The following USP12 variants were observed in gnomAD, a reference collection of about 807,000 sequenced individuals.
USP12 encodes the protein ubiquitin carboxyl-terminal hydrolase 12.
A neutral mutation model predicts 45.5 loss-of-function variants in USP12; 19 were observed. The observed-to-expected ratio is 0.42, with a 90% CI of 0.29 to 0.61. USP12 has a LOEUF of 0.61. Among genes scored for constraint, USP12 ranks in the 20% least tolerant of loss-of-function variants. USP12 has a pLI of 0.22. For synonymous variants in USP12, 149 were observed against 148.8 expected (o/e 1.00, Z -0.01); for missense variants, 242 against 447.7 (o/e 0.54, Z 4.15).
intron 1 of USP12, among the ~76,000 whole-genome samples, chr13:27,161,038 T>C (rs756303094): frequency 2.0e-5 from 3 of 152,098 alleles, no homozygotes; most frequent in Admixed American, 6.5e-5. Context: ...TTCTAAACAT[T>C]ATATCCCGTT....
intron 1 of USP12, among the ~76,000 whole-genome samples, chr13:27,151,534 T>A (rs769344884): frequency 2.0e-5 from 3 of 151,896 alleles, no homozygotes; most frequent in Non-Finnish European, 4.4e-5. Context: ...GTAATCCCAG[T>A]GCTTTCGGAG....
chr13:27,155,243 G>A (rs1192138062), intron 1 of USP12, among the ~76,000 whole-genome samples: 9 of 151,594 alleles, frequency 5.9e-5, no homozygotes, highest in African/African-American at 1.2e-4. Context: ...CACCATGCCC[G>A]GCTAATTTTT....
intron 4 of USP12, among the ~76,000 whole-genome samples, chr13:27,092,830 C>T (rs932005160): frequency 6.6e-6 from 1 of 151,930 alleles, no homozygotes; most frequent in Non-Finnish European, 1.5e-5. Context: ...GATACAACAC[C>T]AAAAGTATAA....
intron 1 of USP12, among the ~76,000 whole-genome samples, chr13:27,160,338 A>G (rs920448378): frequency 6.6e-6 from 1 of 152,202 alleles, no homozygotes; most frequent in Non-Finnish European, 1.5e-5. Context: ...TGCCAAGTTA[A>G]GTGAAGGCCT....
intron 1 of USP12, among the ~76,000 whole-genome samples, chr13:27,130,548 T>C (rs975543685): frequency 5.1e-5 from 4 of 78,528 alleles, no homozygotes; most frequent in African/African-American, 2.0e-4. Flanking sequence ...ACAAAAAAAA[T>C]CACAAAACAT....
chr13:27,139,481 G>A (rs1007099283), intron 1 of USP12, among the ~76,000 whole-genome samples: 2 of 152,096 alleles, frequency 1.3e-5, no homozygotes, highest in Non-Finnish European at 2.9e-5. Flanking sequence ...CTGGGCATGG[G>A]GCTGTGCACC....
chr13:27,147,555 CAA>C (rs1052347637), intron 1 of USP12, among the ~76,000 whole-genome samples: 4 of 151,890 alleles, frequency 2.6e-5, no homozygotes, highest in Admixed American at 6.6e-5. Flanking sequence ...AAAAGAAAAA[CAA>C]AGTGTATGTC....
intron 1 of USP12, among the ~76,000 whole-genome samples, chr13:27,171,224 G>T (rs1157287061): frequency 6.7e-6 from 1 of 148,254 alleles, no homozygotes; most frequent in African/African-American, 2.5e-5. Flanking sequence ...CCCTCACCCC[G>T]GCACAGGCCG....
At chr13:27,092,806 T>C (rs1323416205) in intron 4 of USP12, among the ~76,000 whole-genome samples, 1 of 152,232 alleles carries the variant, frequency 6.6e-6, no homozygotes, top group East Asian at 1.9e-4. Context: ...CTTTAGTTTA[T>C]GGATGACTTT....
chr13:27,120,279 G>C (rs370456583), intron 1 of USP12, among the ~76,000 whole-genome samples: 1 of 152,104 alleles, frequency 6.6e-6, no homozygotes, highest in Non-Finnish European at 1.5e-5. Context: ...TGAGAAGTAC[G>C]ACCCTATCAA....
chr13:27,143,592 T>G (rs912078207), intron 1 of USP12, among the ~76,000 whole-genome samples: 15 of 152,220 alleles, frequency 9.9e-5, no homozygotes, highest in African/African-American at 3.4e-4. Context: ...CATGGTAATC[T>G]GCAAAGTGAA....
chr13:27,074,322 C>G (rs1343149726), intron 7 of USP12, among the ~76,000 whole-genome samples: 2 of 152,028 alleles, frequency 1.3e-5, no homozygotes, highest in Non-Finnish European at 2.9e-5. Flanking sequence ...ATGGCGTGAA[C>G]CCGGGAGGCG....
intron 3 of USP12, among the ~76,000 whole-genome samples, chr13:27,099,382 C>T (rs988212250): frequency 1.3e-5 from 2 of 152,122 alleles, no homozygotes; most frequent in African/African-American, 2.4e-5. Context: ...ATGGGGGTCT[C>T]GCTATGTTGT....
chr13:27,131,507 G>C (rs1397769071), intron 1 of USP12, among the ~76,000 whole-genome samples: 1 of 152,200 alleles, frequency 6.6e-6, no homozygotes, highest in Non-Finnish European at 1.5e-5. Context: ...ACCAAAGTGA[G>C]CAACGTGATG....
chr13:27,118,237 G>T (rs890065062), intron 1 of USP12, among the ~76,000 whole-genome samples: 3 of 151,910 alleles, frequency 2.0e-5, no homozygotes, highest in Non-Finnish European at 4.4e-5. Flanking sequence ...GCTCTAGGCT[G>T]AAAAGGGGAC....
In USP12 at chr13:27,075,090, T is replaced by G. The variant is rs868488155; in HGVS notation, c.932+101A>C. On this transcript the variant is annotated intron_variant, in intron 7 of 8. Coordinates refer to ENST00000282344, the MANE Select transcript of USP12 (RefSeq NM_182488.4). The stretch of plus-strand genomic sequence containing the variant: ...AAAATTATCTTGAGAGAATACAGAA[T>G]TTCTAAAAGTTCTATATATGAATAA... 2.1e-5 allele frequency: 23 copies of G among 1,091,468 alleles called. 1 individual carries two copies. In the Middle Eastern group the frequency reaches 2.3e-3, roughly 111 times the overall value. 67.6% of individuals were successfully genotyped at this position (1,091,468 alleles called of 1,614,324 possible).
At chr13:27,164,368 C>G (rs1999667) in intron 1 of USP12, among the ~76,000 whole-genome samples, 2,632 of 152,270 alleles carry the variant, frequency 0.017, 78 homozygotes, top group African/African-American at 0.061. Flanking sequence ...TGGCTCACTA[C>G]AGATAAATAA....
intron 1 of USP12, chr13:27,169,073 T>C (rs1878472218): frequency 6.6e-6 from 1 of 152,232 alleles, no homozygotes; most frequent in Non-Finnish European, 1.5e-5. Context: ...ACTTTTATAC[T>C]GAATGCAGAA....
At chr13:27,070,503 A>G (rs1484548157) in intron 8 of USP12, among the ~76,000 whole-genome samples, 1 of 148,594 alleles carries the variant, frequency 6.7e-6, no homozygotes, top group Non-Finnish European at 1.5e-5. Flanking sequence ...TACATGGCTT[A>G]ATTTTTTTTT....
Sources: allele counts gnomAD v4.1 joint callset (sites outside exome capture counted in the v4.1 genomes callset), GRCh38; gene constraint gnomAD v4.1.1; transcripts MANE v1.5; gene names NCBI Gene and HGNC (gene_info 2026-07-23, HGNC 2026-07-21).